The following SPACA9 variants were observed in gnomAD, a reference collection of about 807,000 sequenced individuals.
The protein encoded by SPACA9 is sperm acrosome-associated protein 9.
A neutral mutation model predicts 12.5 loss-of-function variants in SPACA9; 14 were observed. That is an observed-to-expected ratio of 1.12 (90% CI 0.74 to 1.75). SPACA9 has a LOEUF of 1.75. Among genes scored for constraint, SPACA9 ranks in the 40% most tolerant of loss-of-function variants. The pLI is 0.00. For missense variants in SPACA9, 292 were observed against 291.9 expected, an observed-to-expected ratio of 1.00 and a Z score of 0.00; for synonymous variants, 111 against 114.1, an observed-to-expected ratio of 0.97 and a Z score of 0.17.
intron 1 of SPACA9, among the ~76,000 whole-genome samples, chr9:132,881,897 C>T (rs1844438212): frequency 6.6e-6 from 1 of 152,200 alleles, no homozygotes; most frequent in Non-Finnish European, 1.5e-5. Context: ...GTCTCCCTCA[C>T]CTCACCCTAG....
chr9:132,885,280 G>A (rs1263458949), intron 2 of SPACA9, among the ~76,000 whole-genome samples: 2 of 151,910 alleles, frequency 1.3e-5, no homozygotes, highest in Non-Finnish European at 2.9e-5. Flanking sequence ...TTGAGAGGCC[G>A]AGGTGAGTGG....
Position 132,888,150 on chromosome 9 carries a change from A to T in SPACA9, c.348-140A>T, listed in dbSNP as rs1564459761. The T allele has an allele frequency of 3.6e-6, 5 of 1,376,936 alleles. No individual in the cohort carries two copies. Among genetic ancestry groups the T allele is most frequent in the Non-Finnish European group, 3.9e-6 (4 of 1,034,084 alleles). 85.3% of individuals were successfully genotyped at this position (1,376,936 alleles called of 1,614,324 possible). A position where few individuals can be genotyped will look rare whatever the true frequency, so the allele number is the denominator to read the frequency against. On this transcript the variant is annotated intron_variant, in intron 3 of 3. Coordinates refer to ENST00000356311, the MANE Select transcript of SPACA9 (RefSeq NM_001316897.2). The surrounding 1 kb of genome is among the most constrained non-coding windows in gnomAD (Gnocchi z 5.0). The stretch of plus-strand genomic sequence containing the variant: ...GCCTGGTCTGCCAGAATCTCTGGGG[A>T]CAGAGCGCCTCAGCGTGCTGTGTGT...
upstream of SPACA9, chr9:132,878,813 C>T (rs1201566806): frequency 2.0e-6 from 2 of 979,928 alleles, no homozygotes; most frequent in African/African-American, 3.5e-5. The surrounding 1 kb of genome is among the most constrained non-coding windows in gnomAD (Gnocchi z 4.7). Flanking sequence ...CTGGCCAAGC[C>T]GCCAAGTGAC....
intron 2 of SPACA9, among the ~76,000 whole-genome samples, chr9:132,884,336 A>C (rs1034975732): frequency 1.3e-5 from 2 of 152,238 alleles, no homozygotes; most frequent in Non-Finnish European, 2.9e-5. Flanking sequence ...TCCTAGCTCT[A>C]CCATGTGCCA....
At chr9:132,886,399 G>A (rs1844565793) in intron 2 of SPACA9, among the ~76,000 whole-genome samples, 1 of 152,222 alleles carries the variant, frequency 6.6e-6, no homozygotes, top group South Asian at 2.1e-4. Context: ...TCCAGTCCCT[G>A]CTGTTTCCCT....
chr9:132,882,317 C>G (rs1219189712), intron 1 of SPACA9, among the ~76,000 whole-genome samples: 4 of 152,194 alleles, frequency 2.6e-5, no homozygotes, highest in Non-Finnish European at 5.9e-5. Context: ...GCTAAAGGGC[C>G]TCTTCCCCAG....
chr9:132,883,114 C>T (rs1844470449), intron 1 of SPACA9, among the ~76,000 whole-genome samples: 1 of 152,190 alleles, frequency 6.6e-6, no homozygotes, highest in Admixed American at 6.5e-5. Flanking sequence ...CTCTGTGGAG[C>T]ACCTAAATCA....
intron 2 of SPACA9, among the ~76,000 whole-genome samples, chr9:132,885,070 G>A (rs112714638): frequency 6.6e-5 from 10 of 151,350 alleles, no homozygotes; most frequent in Admixed American, 3.9e-4. Flanking sequence ...CCGATATTGC[G>A]CCACTGTACT....
In SPACA9 at chr9:132,881,585, G is replaced by T. The variant is rs73550670; in HGVS notation, c.-37-2326G>T. Among the ~76,000 whole-genome samples, 494 of 152,026 alleles carry T rather than the reference G, an allele frequency of 3.2e-3. 4 individuals are homozygous for T. Among genetic ancestry groups the T allele is most frequent in the African/African-American group, 0.01 (419 of 41,468 alleles). ...GTTCAAGACCAGCCTAGCTGACGTG[G>T]TGAAATTCCATCTCTACTAAAAATA... On this transcript the variant is annotated intron_variant, in intron 1 of 3. Coordinates refer to ENST00000356311, the MANE Select transcript of SPACA9 (RefSeq NM_001316897.2).
intron 2 of SPACA9, among the ~76,000 whole-genome samples, chr9:132,885,002 A>G (rs1844525813): frequency 6.6e-6 from 1 of 151,876 alleles, no homozygotes; most frequent in Admixed American, 6.6e-5. Flanking sequence ...AATCCCAGCT[A>G]CTCGGGAGGC....
At chr9:132,882,353 A>AC (rs1844452289) in intron 1 of SPACA9, among the ~76,000 whole-genome samples, 2 of 149,062 alleles carry the variant, frequency 1.3e-5, no homozygotes, top group South Asian at 4.3e-4. Flanking sequence ...CTGATGTACC[A>AC]CCCCCATCAT....
Position 132,884,001 on chromosome 9 carries a change from CCAG to C in SPACA9, c.65_67del (p.Gln22del). The C allele has an allele frequency of 6.2e-7, 1 of 1,614,168 alleles. No individual in the cohort carries two copies. Among genetic ancestry groups the C allele is most frequent in the Non-Finnish European group, 8.5e-7 (1 of 1,180,004 alleles). On this transcript the variant is annotated inframe_deletion, in exon 2 of 4. Coordinates refer to ENST00000356311, the MANE Select transcript of SPACA9 (RefSeq NM_001316897.2). ...GCATCGAGCAGAAGTACAAGCTCTTCCAGCAGCAGCAGCTCACCTTCACCGCCG... is the reference window on the plus strand; with the variant it reads ...GCATCGAGCAGAAGTACAAGCTCTTCCAGCAGCAGCTCACCTTCACCGCCG...
rs1844702558 is a variant in SPACA9 at position 132,889,862 on chromosome 9, T to C, written c.*1251T>C. 2.8e-5 allele frequency: 39 copies of C among 1,383,742 alleles called. No individual in the cohort carries two copies. The highest frequency in any genetic ancestry group is 3.7e-5 in the Non-Finnish European group (39 of 1,056,118). The allele number at this position is 1,383,742 out of a possible 1,614,324, so 85.7% of individuals were successfully genotyped here. ...CTGAGCAAGGGCGATGACCTGGTTT[T>C]CACAGCGTAGTCGAACCCCAAACAT... On this transcript the variant is annotated 3_prime_UTR_variant, in exon 4 of 4. Coordinates refer to ENST00000356311, the MANE Select transcript of SPACA9 (RefSeq NM_001316897.2).
upstream of SPACA9, chr9:132,878,774 C>G: frequency 1.0e-6 from 1 of 985,614 alleles, no homozygotes; most frequent in Non-Finnish European, 1.2e-6. The surrounding 1 kb of genome is among the most constrained non-coding windows in gnomAD (Gnocchi z 4.7). Flanking sequence ...AGAGTCGAGC[C>G]CCGGTAGACC....
At position 132,887,911 on chromosome 9, in the gene SPACA9, AC is replaced by A. The variant is rs1455153505; in HGVS notation, c.347+341del. Among the ~76,000 whole-genome samples the A allele has an allele frequency of 3.3e-5, 5 of 152,064 alleles. No homozygotes were observed. The highest frequency in any genetic ancestry group is 4.2e-4 in the South Asian group (2 of 4,814). Reference sequence around the variant, plus strand: ...AGAGCCGCCTCCCAGGGGCAGCAGCACTGGCACTGAGGGCTCCTCATCCTGA... The same window carrying A: ...AGAGCCGCCTCCCAGGGGCAGCAGCATGGCACTGAGGGCTCCTCATCCTGA... On this transcript the variant is annotated intron_variant, in intron 3 of 3. Transcript: ENST00000356311. This position sits in a 1 kb window ranked among gnomAD's most constrained non-coding sequence, Gnocchi z 5.4.
chr9:132,879,108 G>A (rs1844294464), intron 1 of SPACA9, 94 bp downstream of exon 1: 1 of 152,348 alleles, frequency 6.6e-6, no homozygotes, highest in Non-Finnish European at 1.5e-5. Flanking sequence ...GAAAGATGGA[G>A]GGGTCCGGAG....
chr9:132,880,493 G>A lies in SPACA9; in HGVS notation c.-38+1479G>A, dbSNP rs144734401. 5.7e-4 allele frequency among the ~76,000 whole-genome samples: 87 copies of A among 152,140 alleles called. 3 individuals are homozygous for A. The East Asian group carries it at 0.013, about 23-fold the overall frequency. On this transcript the variant is annotated intron_variant, in intron 1 of 3. Coordinates refer to ENST00000356311, the MANE Select transcript of SPACA9 (RefSeq NM_001316897.2). ...ACCATGATGAGGGAAAAGCCAGGCC[G>A]AAAGGGCACACGCCCTTTCTCCCTG...
intron 1 of SPACA9, among the ~76,000 whole-genome samples, chr9:132,880,530 A>G (rs972247955): frequency 4.6e-5 from 7 of 151,982 alleles, no homozygotes; most frequent in African/African-American, 7.3e-5. Flanking sequence ...AACTCCACCT[A>G]TGTGCTCTCT....
rs766916087 is a variant in SPACA9 at position 132,888,443 on chromosome 9, T to C, written c.501T>C (p.Ser167=). 7 of 1,612,750 alleles carry C rather than the reference T, an allele frequency of 4.3e-6. No homozygotes were observed. Among genetic ancestry groups the C allele is most frequent in the African/African-American group, 4.0e-5 (3 of 74,588 alleles). ...KLPRKVLQHV[S]EPQAHQESTR... is the part of the protein sequence containing the mutation. The stretch of plus-strand genomic sequence containing the variant: ...CGCGCAAGGTGCTGCAGCACGTGAG[T>C]GAGCCCCAGGCGCACCAGGAGAGCA... The change falls in exon 4 of 4, where the codon AGT becomes AGC. Residue 167 remains serine (S), a synonymous_variant. Transcript: ENST00000356311. The surrounding 1 kb of genome is among the most constrained non-coding windows in gnomAD (Gnocchi z 5.0).
Sources: gnomAD v4.1 joint callset for allele counts (sites outside exome capture counted in the v4.1 genomes callset) on GRCh38, gnomAD v4.1.1 for gene constraint, Gnocchi (gnomAD v3.1) non-coding constraint, MANE v1.5 for transcripts, NCBI Gene and HGNC (gene_info 2026-07-23, HGNC 2026-07-21) for gene names.